MAP1B: variants seen among roughly 807,000 people sequenced by gnomAD.
MAP1B encodes microtubule-associated protein 1B.
In MAP1B, 12 loss-of-function variants were observed where a neutral mutation model predicts 176.1. That is an observed-to-expected ratio of 0.07 (90% CI 0.04 to 0.11). MAP1B has a LOEUF of 0.11. Ranked by LOEUF, MAP1B falls within the 10% of genes least tolerant of loss-of-function variation. The pLI is 1.00. For missense variants in MAP1B, 2,523 were observed against 2,990.5 expected, an observed-to-expected ratio of 0.84 and a Z score of 3.65; for synonymous variants, 1,044 against 1,135.0, an observed-to-expected ratio of 0.92 and a Z score of 1.61.
chr5:72,152,280 A>G (rs1003793114), intron 2 of MAP1B, among the ~76,000 whole-genome samples: 3 of 152,074 alleles, frequency 2.0e-5, no homozygotes, highest in African/African-American at 7.2e-5. Flanking sequence ...CAGTGAAGCA[A>G]TTGGCCTCTA....
chr5:72,142,248 T>G (rs1484954907), intron 2 of MAP1B, among the ~76,000 whole-genome samples: 1 of 151,856 alleles, frequency 6.6e-6, no homozygotes, highest in Non-Finnish European at 1.5e-5. Flanking sequence ...TGGAAGGGAG[T>G]GATTTAAGAT....
chr5:72,196,810 C>T lies in MAP1B; in HGVS notation c.3455C>T (p.Thr1152Met), dbSNP rs749214681. 14 of 1,613,818 alleles carry T rather than the reference C, an allele frequency of 8.7e-6. No homozygotes were observed. Among genetic ancestry groups the T allele is most frequent in the East Asian group, 4.5e-5 (2 of 44,890 alleles). The change falls in exon 5 of 7, where the codon ACG becomes ATG. Residue 1152 changes from threonine to methionine, a missense_variant. By Grantham distance (81) the Thr-to-Met change is moderately conservative. Around this residue, in one of 4 missense-constraint regions of MAP1B, gnomAD observed 1,925 missense variants for 2,126.0 expected, o/e 0.91. Transcript: ENST00000296755. The surrounding 1 kb of genome is among the most constrained non-coding windows in gnomAD (Gnocchi z 5.3). ...AGTGATGAGACCAACAATGAAGAGA[C>T]GGAGTCCCCTTCTCAGGAATTCGTA... The part of the protein sequence containing the change: ...VMSDETNNEE[T>M]ESPSQEFVNI...
intron 1 of MAP1B, among the ~76,000 whole-genome samples, chr5:72,112,639 G>A (rs1745364019): frequency 6.6e-6 from 1 of 152,210 alleles, no homozygotes; most frequent in African/African-American, 2.4e-5. Flanking sequence ...CTGGTCCCAA[G>A]GAGCTCACTT....
At chr5:72,203,895 G>A (rs1747387304) in intron 6 of MAP1B, 94 bp downstream of exon 6, 2 of 1,137,056 alleles carry the variant, frequency 1.8e-6, no homozygotes, top group South Asian at 1.4e-5. Flanking sequence ...TCATGTGGCT[G>A]ATCGTGGATC....
intron 2 of MAP1B, among the ~76,000 whole-genome samples, chr5:72,122,013 G>A (rs1248014638): frequency 6.6e-6 from 1 of 152,194 alleles, no homozygotes; most frequent in South Asian, 2.1e-4. Flanking sequence ...TGCCTGTGAG[G>A]CTCTGCTCAT....
Position 72,205,537 on chromosome 5 carries a change from G to GT in MAP1B, c.*299dup, listed in dbSNP as rs1747428362. 3.3e-6 allele frequency: 1 copy of GT among 301,102 alleles called. No homozygotes were observed. The highest frequency in any genetic ancestry group is 2.2e-5 in the African/African-American group (1 of 46,246). The allele number at this position is 301,102 out of a possible 1,614,324, so 18.7% of individuals were successfully genotyped here. The stretch of plus-strand genomic sequence containing the variant: ...AGCCAACCCAACTGACTTCTGCTAG[G>GT]TAGAGGCATTTGTCTTAGAGAGAGA... On this transcript the variant is annotated 3_prime_UTR_variant, in exon 7 of 7. Transcript: ENST00000296755.
chr5:72,128,396 C>T (rs186154847), intron 2 of MAP1B, among the ~76,000 whole-genome samples: 3 of 136,406 alleles, frequency 2.2e-5, no homozygotes, highest in African/African-American at 8.4e-5. Flanking sequence ...TCATTGATTG[C>T]AGATATTGTT....
In MAP1B at chr5:72,199,894, C is replaced by G. The variant is rs1561318484; in HGVS notation, c.6539C>G (p.Ser2180Cys). 1 of 1,614,192 alleles carries G rather than the reference C, an allele frequency of 6.2e-7. No homozygotes were observed. Among genetic ancestry groups the G allele is most frequent in the Non-Finnish European group, 8.5e-7 (1 of 1,180,038 alleles). The change falls in exon 5 of 7, where the codon TCT becomes TGT. Residue 2180 changes from serine (S) to cysteine (C), a missense_variant. Coordinates refer to ENST00000296755, the MANE Select transcript of MAP1B (RefSeq NM_005909.5). The surrounding 1 kb of genome is among the most constrained non-coding windows in gnomAD (Gnocchi z 4.2). ...ATCACGGCCGATGCCAATATCGACT[C>G]TGAAGACGAGTCGGAAACCATCCCC... ...PSITADANID[S>C]EDESETIPTD...
At chr5:72,146,522 T>C (rs879806513) in intron 2 of MAP1B, among the ~76,000 whole-genome samples, 4 of 152,238 alleles carry the variant, frequency 2.6e-5, no homozygotes, top group Admixed American at 6.5e-5. Flanking sequence ...CTAAGCACTT[T>C]CTGTGTATGC....
intron 2 of MAP1B, among the ~76,000 whole-genome samples, chr5:72,137,145 G>T (rs1561295408): frequency 6.6e-6 from 1 of 152,134 alleles, no homozygotes; most frequent in Non-Finnish European, 1.5e-5. Flanking sequence ...CATAAGGATG[G>T]CTTATGACAA....
chr5:72,161,323 G>A (rs903883029), intron 2 of MAP1B, among the ~76,000 whole-genome samples: 5 of 152,196 alleles, frequency 3.3e-5, no homozygotes, highest in African/African-American at 1.2e-4. Flanking sequence ...TTGAGAAATG[G>A]AATCAATGTC....
chr5:72,117,136 T>TTTTTTTTTTTTTTTTTTTTGAG (rs1372036714), intron 2 of MAP1B, among the ~76,000 whole-genome samples: 3 of 151,692 alleles, frequency 2.0e-5, no homozygotes, highest in South Asian at 2.1e-4. Context: ...AATCAGTTTT[T>TTTTTTTTTTTTTTTTTTTTGAG]AAGTAACTTT....
At chr5:72,168,397 A>T (rs184850153) in intron 2 of MAP1B, among the ~76,000 whole-genome samples, 33 of 152,346 alleles carry the variant, frequency 2.2e-4, no homozygotes, top group Admixed American at 1.4e-3. Context: ...TATGCTCCCA[A>T]TTTATACTAT....
chr5:72,139,194 G>A (rs1266432292), intron 2 of MAP1B, among the ~76,000 whole-genome samples: 1 of 152,140 alleles, frequency 6.6e-6, no homozygotes, highest in Non-Finnish European at 1.5e-5. Flanking sequence ...TCTGAGTTAA[G>A]GTTAGAGTAG....
In MAP1B at chr5:72,197,557, C is replaced by T. The variant is rs371181351; in HGVS notation, c.4202C>T (p.Pro1401Leu). ...IEKVLSPLRS[P>L]PLIGSESAYE... ...AAAGTTTTGTCTCCTTTACGCAGCCCGCCCCTCATTGGATCCGAGTCTGCT... is the reference window on the plus strand; with the variant it reads ...AAAGTTTTGTCTCCTTTACGCAGCCTGCCCCTCATTGGATCCGAGTCTGCT... Residue 1401 changes from proline to leucine, a missense_variant, in exon 5 of 7, where the codon CCG (proline) becomes CTG (leucine). Pro to Leu is a moderately conservative substitution (Grantham distance 98). Transcript: ENST00000296755. The T allele has an allele frequency of 2.6e-5, 42 of 1,614,064 alleles. No individual in the cohort carries two copies. Among genetic ancestry groups the T allele is most frequent in the South Asian group, 1.8e-4 (16 of 91,086 alleles).
At chr5:72,163,598 C>G (rs1198594549) in intron 2 of MAP1B, among the ~76,000 whole-genome samples, 1 of 152,044 alleles carries the variant, frequency 6.6e-6, no homozygotes, top group African/African-American at 2.4e-5. Context: ...AGAATGCTTC[C>G]ATTTGGTGTG....
intron 2 of MAP1B, among the ~76,000 whole-genome samples, chr5:72,177,898 ACT>A (rs1422705107): frequency 1.3e-5 from 2 of 151,908 alleles, no homozygotes; most frequent in Admixed American, 1.3e-4. Context: ...AATAACTCTG[ACT>A]CTATCATTTT....
intron 2 of MAP1B, among the ~76,000 whole-genome samples, chr5:72,120,273 A>G (rs1314581458): frequency 1.3e-5 from 2 of 152,162 alleles, no homozygotes; most frequent in Non-Finnish European, 2.9e-5. Context: ...AGCCTAGCAT[A>G]ATGATGAAGA....
intron 2 of MAP1B, among the ~76,000 whole-genome samples, chr5:72,135,226 G>A (rs759921156): frequency 6.6e-6 from 1 of 152,044 alleles, no homozygotes; most frequent in Non-Finnish European, 1.5e-5. Flanking sequence ...ATTGCTCCGA[G>A]CCTTAACTTT....
Sources: allele counts gnomAD v4.1 joint callset (sites outside exome capture counted in the v4.1 genomes callset), GRCh38; gene constraint gnomAD v4.1.1; regional missense constraint gnomAD v4.1.1; non-coding constraint Gnocchi (gnomAD v3.1); transcripts MANE v1.5; gene names NCBI Gene and HGNC (gene_info 2026-07-23, HGNC 2026-07-21).